The following AGMO variants were observed in gnomAD, a reference collection of about 807,000 sequenced individuals.
AGMO encodes the protein alkylglycerol monooxygenase.
A neutral mutation model predicts 60.2 loss-of-function variants in AGMO; 75 were observed. That is an observed-to-expected ratio of 1.25 (90% CI 1.03 to 1.51). The LOEUF (loss-of-function observed/expected upper bound fraction) is 1.51, where lower values mean the gene tolerates loss of function less well. Ranked by LOEUF, AGMO falls within the 40% of genes most tolerant of loss-of-function variation. The pLI is 0.00. For synonymous variants in AGMO, 261 were observed against 177.1 expected (o/e 1.47, Z -3.76); for missense variants, 763 against 525.5 (o/e 1.45, Z -4.42).
intron 3 of AGMO, among the ~76,000 whole-genome samples, chr7:15,544,437 T>G (rs1363747241): frequency 6.6e-6 from 1 of 152,146 alleles, no homozygotes; most frequent in African/African-American, 2.4e-5. Flanking sequence ...TTGTTTGGGT[T>G]CTGACTAATA....
chr7:15,186,493 C>T, the AGMO span, among the ~76,000 whole-genome samples: 12 of 152,050 alleles, frequency 7.9e-5, no homozygotes, highest in African/African-American at 2.7e-4. Flanking sequence ...CACATGGCCA[C>T]ATGAACAAAT....
chr7:15,355,794 G>A (rs529623036), intron 12 of AGMO, among the ~76,000 whole-genome samples: 27 of 152,190 alleles, frequency 1.8e-4, no homozygotes, highest in South Asian at 1.2e-3. Flanking sequence ...AACCATTTGC[G>A]TGCAGTCCAG....
chr7:15,366,358 G>C (rs532565160), intron 10 of AGMO, 136 bp from the exon 11 acceptor site: 28 of 523,192 alleles, frequency 5.4e-5, no homozygotes, highest in African/African-American at 4.9e-4. Context: ...CAGAAAGCTT[G>C]ACTACACAGA....
intron 12 of AGMO, among the ~76,000 whole-genome samples, chr7:15,226,002 A>G (rs1007560949): frequency 3.3e-5 from 5 of 152,048 alleles, no homozygotes; most frequent in African/African-American, 1.2e-4. Context: ...ATCAGCTTCT[A>G]TGATGATGTG....
downstream of AGMO, among the ~76,000 whole-genome samples, chr7:15,196,835 C>A (rs1460885372): frequency 6.6e-6 from 1 of 152,006 alleles, no homozygotes; most frequent in Non-Finnish European, 1.5e-5. Context: ...TATTGGGGTG[C>A]CTGGGTGGTT....
At chr7:15,294,215 A>G (rs1007452055) in intron 12 of AGMO, among the ~76,000 whole-genome samples, 2 of 151,600 alleles carry the variant, frequency 1.3e-5, no homozygotes, top group South Asian at 4.1e-4. Context: ...AACCTTTAAG[A>G]TATTATTTTT....
At chr7:15,374,884 G>A (rs190070387) in intron 10 of AGMO, among the ~76,000 whole-genome samples, 16 of 152,202 alleles carry the variant, frequency 1.1e-4, no homozygotes, top group South Asian at 4.1e-4. Context: ...AATTTGCAGA[G>A]TGTCGGTCAA....
intron 12 of AGMO, among the ~76,000 whole-genome samples, chr7:15,331,309 G>A (rs77588282): frequency 6.6e-6 from 1 of 152,076 alleles, no homozygotes; most frequent in Non-Finnish European, 1.5e-5. Flanking sequence ...TGATTATTAC[G>A]GCTTAAGCCA....
chr7:15,120,760 TTTC>T, the AGMO span, among the ~76,000 whole-genome samples: 41 of 152,066 alleles, frequency 2.7e-4, no homozygotes, highest in Admixed American at 7.9e-4. Flanking sequence ...TATTTCTTTC[TTTC>T]TTTTTTTTCT....
intron 3 of AGMO, among the ~76,000 whole-genome samples, chr7:15,503,764 T>C (rs2128526347): frequency 6.6e-6 from 1 of 152,170 alleles, no homozygotes; most frequent in East Asian, 1.9e-4. Flanking sequence ...TTTTTATTTG[T>C]ACAACATGAG....
intron 12 of AGMO, among the ~76,000 whole-genome samples, chr7:15,211,847 G>C (rs1781601008): frequency 6.6e-6 from 1 of 151,980 alleles, no homozygotes; most frequent in Admixed American, 6.6e-5. Flanking sequence ...CAATTTTTTA[G>C]TTATAGTGTT....
intron 12 of AGMO, among the ~76,000 whole-genome samples, chr7:15,218,791 T>C (rs907454810): frequency 2.0e-5 from 3 of 152,072 alleles, no homozygotes; most frequent in African/African-American, 7.2e-5. Context: ...AGTTGAAGCA[T>C]GGTGCACACA....
chr7:15,176,738 AG>A, the AGMO span, among the ~76,000 whole-genome samples: 1 of 152,012 alleles, frequency 6.6e-6, no homozygotes, highest in East Asian at 1.9e-4. Context: ...CAGACTTATT[AG>A]CTATAGTCAA....
chr7:15,284,978 C>A, intron 12 of AGMO, among the ~76,000 whole-genome samples: 1 of 151,524 alleles, frequency 6.6e-6, no homozygotes, highest in Middle Eastern at 3.4e-3. Context: ...AAATAAAAAC[C>A]ATATGATCAT....
At chr7:15,367,635 T>A (rs970899846) in intron 10 of AGMO, among the ~76,000 whole-genome samples, 14 of 152,012 alleles carry the variant, frequency 9.2e-5, no homozygotes, top group African/African-American at 2.7e-4. Context: ...AAGTCTAAAT[T>A]GAGATTACAT....
At chr7:15,387,248 T>G (rs912104662) in intron 9 of AGMO, among the ~76,000 whole-genome samples, 158 bp downstream of exon 9, 1 of 152,226 alleles carries the variant, frequency 6.6e-6, no homozygotes, top group East Asian at 1.9e-4. Flanking sequence ...ACAAAGTTGG[T>G]GGATACTCAT....
rs1784047063 is a variant in AGMO, at chr7:15,284,350, A to G, written c.1263+81164T>C. ...ACCATTAGCTAGATTAATCAAGAAGAGAGAGGTTTCAAATAAGATTAAAAA... is the reference window on the plus strand; with the variant it reads ...ACCATTAGCTAGATTAATCAAGAAGGGAGAGGTTTCAAATAAGATTAAAAA... On this transcript the variant is annotated intron_variant, in intron 12 of 12. Coordinates refer to ENST00000342526, the MANE Select transcript of AGMO (RefSeq NM_001004320.2). Among the ~76,000 whole-genome samples, 4 of 152,190 alleles carry G rather than the reference A, an allele frequency of 2.6e-5. No individual in the cohort carries two copies. The South Asian group carries it at 8.3e-4, about 32-fold the overall frequency.
intron 12 of AGMO, among the ~76,000 whole-genome samples, chr7:15,277,576 G>A (rs983245560): frequency 6.6e-6 from 1 of 151,932 alleles, no homozygotes; most frequent in Admixed American, 6.5e-5. Context: ...TTGATGGTGA[G>A]ACAATAAAGC....
intron 3 of AGMO, among the ~76,000 whole-genome samples, chr7:15,538,283 A>G (rs1305835990): frequency 6.6e-6 from 1 of 152,130 alleles, no homozygotes; most frequent in Non-Finnish European, 1.5e-5. Flanking sequence ...CTCATGCTGG[A>G]GTACAGTGGC....
Sources: gnomAD v4.1 joint callset for allele counts (sites outside exome capture counted in the v4.1 genomes callset) on GRCh38, gnomAD v4.1.1 for gene constraint, MANE v1.5 for transcripts, NCBI Gene and HGNC (gene_info 2026-07-23, HGNC 2026-07-21) for gene names.